FAM3B: variants seen among roughly 807,000 people sequenced by gnomAD.
FAM3B encodes the protein protein FAM3B.
FAM3B carries 29 observed loss-of-function variants against 28.4 expected under a neutral mutation model. That is an observed-to-expected ratio of 1.02 (90% CI 0.76 to 1.39). The LOEUF is 1.39. Among genes scored for constraint, FAM3B ranks in the 40% most tolerant of loss-of-function variants. FAM3B has a pLI of 0.00. For synonymous variants in FAM3B, 91 were observed against 103.0 expected, an observed-to-expected ratio of 0.88 and a Z score of 0.71; for missense variants, 266 against 293.9, an observed-to-expected ratio of 0.91 and a Z score of 0.69.
rs1184444452 is a variant in FAM3B, at chr21:41,345,720, T to G, written c.381T>G (p.Phe127Leu). 1.3e-6 allele frequency: 2 copies of G among 1,550,686 alleles called. No homozygotes were observed. Among genetic ancestry groups the G allele is most frequent in the Non-Finnish European group, 1.7e-6 (2 of 1,151,292 alleles). ...VTGNVTATRC[F>L]DMYEGDNSGP... ...GGAATGTGACAGCAACACGATGTTT[T>G]GATATGTATGAAGGTGGTAAGAAAA... Residue 127 changes from phenylalanine to leucine, a missense_variant, in exon 5 of 8, where the codon TTT (phenylalanine) becomes TTG (leucine). Physicochemically the swap from Phe to Leu is conservative, Grantham distance 22. Transcript: ENST00000357985.
intron 2 of FAM3B, among the ~76,000 whole-genome samples, chr21:41,336,429 G>A (rs2088956099): frequency 6.6e-6 from 1 of 152,208 alleles, no homozygotes; most frequent in South Asian, 2.1e-4. Flanking sequence ...GGGTGAGGCA[G>A]GAGAATCGCT....
chr21:41,351,936 C>T (rs1164193302), intron 7 of FAM3B, among the ~76,000 whole-genome samples: 1 of 152,214 alleles, frequency 6.6e-6, no homozygotes, highest in Admixed American at 6.5e-5. Flanking sequence ...ACTGCATGAC[C>T]TGAGTTTGGC....
chr21:41,330,151 A>AAAAAAAT (rs1555870392), intron 2 of FAM3B, among the ~76,000 whole-genome samples: 1 of 150,434 alleles, frequency 6.6e-6, no homozygotes. Context: ...AAAAAAAAAA[A>AAAAAAAT]CATAATACAG....
In FAM3B at chr21:41,347,044, G is replaced by A; in HGVS notation, c.429G>A (p.Gln143=). ...DNSGPMTKFI[Q]SAAPKSLLFM... ...CTGGACCGATGACAAAGTTTATTCA[G>A]AGTGCTGCTCCAAAATCCCTGCTCT... The change falls in exon 6 of 8, where the codon CAG becomes CAA. Residue 143 remains glutamine (Q), a synonymous_variant. Transcript: ENST00000357985. The A allele has an allele frequency of 6.2e-7, 1 of 1,614,136 alleles. No homozygotes were observed. The highest frequency in any genetic ancestry group is 8.5e-7 in the Non-Finnish European group (1 of 1,180,014).
intron 1 of FAM3B, among the ~76,000 whole-genome samples, chr21:41,305,333 C>G (rs1034476614): frequency 6.6e-6 from 1 of 152,148 alleles, no homozygotes; most frequent in African/African-American, 2.4e-5. Context: ...AGTCCCATGC[C>G]AGCCCAAACT....
intron 2 of FAM3B, among the ~76,000 whole-genome samples, chr21:41,333,395 C>T (rs1433990719): frequency 6.6e-6 from 1 of 152,098 alleles, no homozygotes; most frequent in Non-Finnish European, 1.5e-5. Flanking sequence ...CTTCTTGGTG[C>T]TTTTCTCATG....
intron 5 of FAM3B, among the ~76,000 whole-genome samples, chr21:41,346,648 G>A (rs2066029240): frequency 6.6e-6 from 1 of 152,022 alleles, no homozygotes; most frequent in Non-Finnish European, 1.5e-5. Flanking sequence ...TGCTTGTTAA[G>A]AGTTTGGTGA....
chr21:41,312,058 G>A (rs971832435), upstream of FAM3B, among the ~76,000 whole-genome samples: 8 of 152,066 alleles, frequency 5.3e-5, no homozygotes, highest in Non-Finnish European at 1.2e-4. Flanking sequence ...GGAAAGACCC[G>A]CCCCCATGAT....
Position 41,348,700 on chromosome 21 carries a change from C to G in FAM3B, c.594C>G (p.Leu198=), listed in dbSNP as rs768998723. 1.9e-6 allele frequency: 3 copies of G among 1,614,082 alleles called. No homozygotes were observed. Among genetic ancestry groups the G allele is most frequent in the Non-Finnish European group, 2.5e-6 (3 of 1,180,050 alleles). ...TTATTGCAGCAAAAGGCTTGGAACT[C>G]CCTTCCGAAATTCAGAGAGAAAAGG... ...WVFIAAKGLE[L]PSEIQREKIN... Residue 198 remains leucine (L), a synonymous_variant, in exon 7 of 8, where the codon CTC becomes CTG. Coordinates refer to ENST00000357985, the MANE Select transcript of FAM3B (RefSeq NM_058186.4).
chr21:41,334,205 A>C (rs1311707928), intron 2 of FAM3B, among the ~76,000 whole-genome samples: 1 of 152,258 alleles, frequency 6.6e-6, no homozygotes, highest in Non-Finnish European at 1.5e-5. Flanking sequence ...GTGGTAGAAA[A>C]GAAAAGCCTG....
intron 1 of FAM3B, among the ~76,000 whole-genome samples, chr21:41,322,211 C>T (rs535039501): frequency 6.6e-6 from 1 of 152,136 alleles, no homozygotes; most frequent in African/African-American, 2.4e-5. Flanking sequence ...CTCTGGTGAC[C>T]CAGGAGGAGA....
intron 1 of FAM3B, among the ~76,000 whole-genome samples, chr21:41,310,741 G>A (rs1221164893): frequency 6.6e-6 from 1 of 152,146 alleles, no homozygotes; most frequent in African/African-American, 2.4e-5. Context: ...TTGGTCAGCT[G>A]GCCCTGATTC....
chr21:41,307,547 C>T (rs1398370413), intron 1 of FAM3B, among the ~76,000 whole-genome samples: 1 of 152,196 alleles, frequency 6.6e-6, no homozygotes, highest in African/African-American at 2.4e-5. Context: ...AATATGCCTT[C>T]CTCACTAAGC....
intron 7 of FAM3B, among the ~76,000 whole-genome samples, chr21:41,350,074 A>G (rs1163722602): frequency 1.3e-5 from 2 of 152,222 alleles, no homozygotes; most frequent in African/African-American, 2.4e-5. Flanking sequence ...ACTGAGGGCA[A>G]GCTGAACCAG....
intron 3 of FAM3B, among the ~76,000 whole-genome samples, chr21:41,339,786 C>T (rs67443586): frequency 0.15 from 23,032 of 152,202 alleles, 3,398 homozygotes; most frequent in African/African-American, 0.38. Flanking sequence ...AATCAAGGCT[C>T]TCCAGAGAGA....
chr21:41,312,419 G>A (rs954598788), upstream of FAM3B, among the ~76,000 whole-genome samples: 3 of 152,150 alleles, frequency 2.0e-5, no homozygotes, highest in Non-Finnish European at 2.9e-5. Context: ...AGAACAAAAA[G>A]TGCAGCTGTT....
At chr21:41,313,910 A>G (rs939113004), upstream of FAM3B, among the ~76,000 whole-genome samples, 10 of 152,212 alleles carry the variant, frequency 6.6e-5, no homozygotes, top group Admixed American at 3.9e-4. Context: ...GTTTGCTGCT[A>G]TAATCACATG....
chr21:41,316,253 G>T (rs539213315), upstream of FAM3B, among the ~76,000 whole-genome samples: 2 of 152,294 alleles, frequency 1.3e-5, no homozygotes, highest in South Asian at 4.1e-4. Flanking sequence ...AGAGGGGCTG[G>T]GCATGGCCCT....
At chr21:41,330,058 T>G (rs1455599411) in intron 2 of FAM3B, among the ~76,000 whole-genome samples, 1 of 151,672 alleles carries the variant, frequency 6.6e-6, no homozygotes, top group East Asian at 1.9e-4. Flanking sequence ...TAAATTAAAC[T>G]ATATTGTTAA....
Sources: allele counts gnomAD v4.1 joint callset (sites outside exome capture counted in the v4.1 genomes callset), GRCh38; gene constraint gnomAD v4.1.1; transcripts MANE v1.5; gene names NCBI Gene and HGNC (gene_info 2026-07-23, HGNC 2026-07-21).